BSDC1: variants seen among roughly 807,000 people sequenced by gnomAD.
BSDC1 encodes BSD domain-containing protein 1.
A neutral mutation model predicts 56.0 loss-of-function variants in BSDC1; 29 were observed. The observed-to-expected ratio is 0.52, with a 90% CI of 0.39 to 0.71. BSDC1 has a LOEUF of 0.71. Ranked by LOEUF, BSDC1 falls within the 30% of genes least tolerant of loss-of-function variation. BSDC1 has a pLI of 0.00. For synonymous variants in BSDC1, 210 were observed against 215.3 expected (o/e 0.98, Z 0.21); for missense variants, 477 against 548.5 (o/e 0.87, Z 1.30).
intron 2 of BSDC1, among the ~76,000 whole-genome samples, chr1:32,388,221 C>A (rs1435347728): frequency 6.6e-6 from 1 of 152,170 alleles, no homozygotes. Context: ...TGGGAAGGGC[C>A]TGCCCACTTT....
At chr1:32,370,612 G>A (rs1166077090) in intron 9 of BSDC1, among the ~76,000 whole-genome samples, 2 of 151,626 alleles carry the variant, frequency 1.3e-5, no homozygotes, top group Admixed American at 1.3e-4. Context: ...GACCACCCTG[G>A]CTAATGTGGT....
intron 9 of BSDC1, among the ~76,000 whole-genome samples, chr1:32,375,083 C>T (rs1191614630): frequency 2.6e-5 from 4 of 151,858 alleles, no homozygotes; most frequent in Non-Finnish European, 5.9e-5. Context: ...ACCTGAGAGG[C>T]GGAGGTTGCA....
Position 32,378,441 on chromosome 1 carries a change from GC to G in BSDC1, c.529-159del, listed in dbSNP as rs1642371393. Among the ~76,000 whole-genome samples the G allele has an allele frequency of 6.6e-6, 1 of 152,170 alleles. No homozygotes were observed. The highest frequency in any genetic ancestry group is 2.4e-5 in the African/African-American group (1 of 41,432). On this transcript the variant is annotated intron_variant, in intron 6 of 10. Coordinates refer to ENST00000455895, the MANE Select transcript of BSDC1 (RefSeq NM_018045.8). This position sits in a 1 kb window ranked among gnomAD's most constrained non-coding sequence, Gnocchi z 5.2. ...CACTTCCACCCCCACCAAAGTTTCA[GC>G]CAGACCCACCTTCCTAGTCCGGGTT...
intron 5 of BSDC1, among the ~76,000 whole-genome samples, chr1:32,379,907 C>T (rs1015777029): frequency 1.1e-4 from 17 of 152,170 alleles, no homozygotes; most frequent in African/African-American, 4.8e-5. Flanking sequence ...CAATGCTGCC[C>T]CAAGGGCTGC....
chr1:32,387,433 C>T (rs1247333529), intron 2 of BSDC1, among the ~76,000 whole-genome samples: 1 of 152,132 alleles, frequency 6.6e-6, no homozygotes, highest in African/African-American at 2.4e-5. Context: ...CCTCCGCCTC[C>T]CGGGTTCAAG....
intron 2 of BSDC1, among the ~76,000 whole-genome samples, chr1:32,389,166 G>A (rs1642779066): frequency 6.6e-6 from 1 of 152,032 alleles, no homozygotes; most frequent in Non-Finnish European, 1.5e-5. Context: ...GTGTTAGCCA[G>A]GATGGTCTCG....
intron 10 of BSDC1, 59 bp from the exon 11 acceptor site, chr1:32,366,713 C>T (rs1641867128): frequency 1.4e-6 from 2 of 1,447,876 alleles, no homozygotes; most frequent in Admixed American, 5.7e-5. Flanking sequence ...GAGTCAGGCC[C>T]AGACCTAACC....
At chr1:32,376,174 T>C in intron 9 of BSDC1, 88 bp downstream of exon 9, 2 of 1,344,328 alleles carry the variant, frequency 1.5e-6, no homozygotes, top group Non-Finnish European at 9.6e-7. Context: ...CTGCTCATAG[T>C]ATCCTAACAA....
intron 8 of BSDC1, among the ~76,000 whole-genome samples, chr1:32,377,468 T>G (rs768224273): frequency 1.3e-5 from 2 of 151,346 alleles, no homozygotes; most frequent in Non-Finnish European, 2.9e-5. Context: ...TAGGGCAGCC[T>G]GGACATATGG....
intron 9 of BSDC1, 51 bp from the exon 10 acceptor site, chr1:32,368,601 A>C: frequency 6.2e-7 from 1 of 1,610,846 alleles, no homozygotes; most frequent in South Asian, 1.1e-5. Context: ...GGGAAGGGGC[A>C]CCTGAAGAGG....
intron 9 of BSDC1, among the ~76,000 whole-genome samples, chr1:32,374,381 T>C (rs1431390191): frequency 3.9e-5 from 6 of 152,218 alleles, no homozygotes; most frequent in Non-Finnish European, 8.8e-5. Context: ...TGAAGTCACA[T>C]GACTTATGAA....
Position 32,378,057 on chromosome 1 carries a change from G to A in BSDC1, c.598-9C>T, listed in dbSNP as rs776504485. 1.2e-6 allele frequency: 2 copies of A among 1,605,880 alleles called. No homozygotes were observed. The highest frequency in any genetic ancestry group is 1.1e-5 in the South Asian group (1 of 89,898). On this transcript the variant is annotated splice_polypyrimidine_tract_variant and intron_variant, in intron 7 of 10. Coordinates refer to ENST00000455895, the MANE Select transcript of BSDC1 (RefSeq NM_018045.8). The surrounding 1 kb of genome is among the most constrained non-coding windows in gnomAD (Gnocchi z 5.2). ...TCCCTCCGGGCCTGCTCCTGAATGTGGGGGAGCAGAAGGCCACAGGCAGTC... is the reference window on the plus strand; with the variant it reads ...TCCCTCCGGGCCTGCTCCTGAATGTAGGGGAGCAGAAGGCCACAGGCAGTC...
At chr1:32,373,381 C>T (rs899624334) in intron 9 of BSDC1, among the ~76,000 whole-genome samples, 1 of 152,182 alleles carries the variant, frequency 6.6e-6, no homozygotes, top group African/African-American at 2.4e-5. Flanking sequence ...CTGATTTTTT[C>T]TGATCACCCT....
intron 2 of BSDC1, among the ~76,000 whole-genome samples, chr1:32,389,329 C>CTA (rs1642785929): frequency 1.3e-5 from 2 of 152,294 alleles, no homozygotes; most frequent in East Asian, 3.9e-4. Flanking sequence ...GTTTTGTTCC[C>CTA]TGATGGTTCC....
intron 4 of BSDC1, among the ~76,000 whole-genome samples, chr1:32,382,775 T>G (rs1642528569): frequency 7.9e-6 from 1 of 125,946 alleles, no homozygotes. Context: ...GAGGTTGAGG[T>G]GGGAGGAACA....
chr1:32,380,307 C>T (rs750447761), intron 5 of BSDC1, among the ~76,000 whole-genome samples: 3 of 152,190 alleles, frequency 2.0e-5, no homozygotes, highest in Non-Finnish European at 2.9e-5. Context: ...ATGCTCTTCC[C>T]GACTTCTCAT....
In BSDC1 at chr1:32,370,596, G is replaced by T. The variant is rs1436706103; in HGVS notation, c.1157-2046C>A. 2.6e-5 allele frequency among the ~76,000 whole-genome samples: 4 copies of T among 151,898 alleles called. No individual in the cohort carries two copies. In the East Asian group the frequency reaches 7.8e-4, roughly 30 times the overall value. On this transcript the variant is annotated intron_variant, in intron 9 of 10. Coordinates refer to ENST00000455895, the MANE Select transcript of BSDC1 (RefSeq NM_018045.8). ...AGACAGGTGGATCACGAGGTCAGAA[G>T]ATCGAGACCACCCTGGCTAATGTGG...
At chr1:32,394,166 G>A (rs1642969422) in intron 1 of BSDC1, 26 bp from the exon 2 acceptor site, 11 of 1,601,382 alleles carry the variant, frequency 6.9e-6, no homozygotes, top group Non-Finnish European at 9.4e-6. Context: ...ACATCTGGCA[G>A]CACCGCGGTG....
In BSDC1 at chr1:32,378,821, T is replaced by G; in HGVS notation, c.431A>C (p.Asp144Ala). The change falls in exon 6 of 11, where the codon GAC (aspartate) becomes GCC (alanine). Residue 144 changes from aspartate (D) to alanine (A), a missense_variant. By Grantham distance (126) the Asp-to-Ala change is moderately radical (BLOSUM62 -2). Transcript: ENST00000455895. The surrounding 1 kb of genome is among the most constrained non-coding windows in gnomAD (Gnocchi z 5.2). ...NEPDGPPELF[D>A]AWLSQFCLEE... ...CAAGCAGAACTGGGAAAGCCAGGCGTCAAACAATTCCGGGGGCCCTGCAGA... is the reference window on the plus strand; with the variant it reads ...CAAGCAGAACTGGGAAAGCCAGGCGGCAAACAATTCCGGGGGCCCTGCAGA... The G allele has an allele frequency of 6.5e-7, 1 of 1,528,768 alleles. No homozygotes were observed. Among genetic ancestry groups the G allele is most frequent in the Non-Finnish European group, 8.8e-7 (1 of 1,136,442 alleles). The allele number at this position is 1,528,768 out of a possible 1,614,324, so 94.7% of individuals were successfully genotyped here. A position where few individuals can be genotyped will look rare whatever the true frequency, so the allele number is the denominator to read the frequency against.
Sources: gnomAD v4.1 joint callset for allele counts (sites outside exome capture counted in the v4.1 genomes callset) on GRCh38, gnomAD v4.1.1 for gene constraint, Gnocchi (gnomAD v3.1) non-coding constraint, MANE v1.5 for transcripts, NCBI Gene and HGNC (gene_info 2026-07-23, HGNC 2026-07-21) for gene names.